NUP43: variants seen among roughly 807,000 people sequenced by gnomAD.
The protein encoded by NUP43 is nucleoporin Nup43.
Under a neutral mutation model 47.3 loss-of-function variants are expected in NUP43, and 32 were observed. The ratio of observed to expected loss-of-function variants is 0.68; its 90% confidence interval spans 0.51 to 0.91. The LOEUF (loss-of-function observed/expected upper bound fraction) is 0.91. Among genes scored for constraint, NUP43 ranks in the 40% least tolerant of loss-of-function variants. The pLI is 0.00. For synonymous variants in NUP43, 147 were observed against 158.4 expected (o/e 0.93, Z 0.54); for missense variants, 444 against 453.9 (o/e 0.98, Z 0.20).
chr6:149,727,344 T>C (rs576604975), intron 7 of NUP43, 146 bp from the exon 8 acceptor site: 2 of 1,432,206 alleles, frequency 1.4e-6, no homozygotes, highest in Non-Finnish European at 1.8e-6. Context: ...TTATTATACA[T>C]CACCACTTTG....
At chr6:149,735,862 A>G (rs1438242708) in intron 6 of NUP43, among the ~76,000 whole-genome samples, 3 of 151,122 alleles carry the variant, frequency 2.0e-5, no homozygotes, top group Non-Finnish European at 2.9e-5. Context: ...AGTCCTATCT[A>G]CTTGGGAGGC....
In NUP43 at chr6:149,746,024, T is replaced by G. The variant is rs1475111730; in HGVS notation, c.159A>C (p.Gly53=). 6.2e-7 allele frequency: 1 copy of G among 1,613,930 alleles called. No individual in the cohort carries two copies. Residue 53 remains glycine (G), a synonymous_variant, in exon 2 of 8, where the codon GGA becomes GGC. Transcript: ENST00000340413. ...YISLWSIGDF[G]NLDSDGGFEG... ...CAAACCCTCCATCAGAGTCCAAGTTTCCAAAATCTCCAATAGACCACAGTG... is the reference window on the plus strand; with the variant it reads ...CAAACCCTCCATCAGAGTCCAAGTTGCCAAAATCTCCAATAGACCACAGTG...
intron 2 of NUP43, 55 bp from the exon 3 acceptor site, chr6:149,743,770 T>C: frequency 9.0e-7 from 1 of 1,112,918 alleles, no homozygotes. Flanking sequence ...AGGGAGGAAG[T>C]CCATTTGTTT....
chr6:149,736,598 G>A lies in NUP43; in HGVS notation c.663C>T (p.His221=). 1 of 1,594,240 alleles carries A rather than the reference G, an allele frequency of 6.3e-7. No homozygotes were observed. Among genetic ancestry groups the A allele is most frequent in the Non-Finnish European group, 8.6e-7 (1 of 1,163,862 alleles). The stretch of plus-strand genomic sequence containing the variant: ...GTTGGTTGGGATGTCTATCAACACA[G>A]TGGAGTGGCACTCGGTCACCAGTCC... ...LSLTGDRVPL[H]CVDRHPNQQH... Residue 221 remains histidine (H), a synonymous_variant, in exon 6 of 8, where the codon CAC becomes CAT. Coordinates refer to ENST00000340413, the MANE Select transcript of NUP43 (RefSeq NM_198887.3).
chr6:149,746,972 T>C (rs1786045524), upstream of NUP43, among the ~76,000 whole-genome samples: 1 of 152,246 alleles, frequency 6.6e-6, no homozygotes, highest in African/African-American at 2.4e-5. Context: ...CCCAAACAAA[T>C]ACTTTGCTTC....
Position 149,742,570 on chromosome 6 carries a change from T to C in NUP43, c.322A>G (p.Thr108Ala). 1.9e-6 allele frequency: 3 copies of C among 1,612,408 alleles called. No individual in the cohort carries two copies. The highest frequency in any genetic ancestry group is 1.7e-6 in the Non-Finnish European group (2 of 1,178,676). Reference protein sequence around the residue: ...TVFLHHPNNQTLSVNQQWTTA... With the variant: ...TVFLHHPNNQALSVNQQWTTA... ...GTCCACTGCTGGTTGACTGACAGAG[T>C]CTAGGCATCAGAAATGAGGATACTA... Residue 108 changes from threonine (T) to alanine (A), a missense_variant and splice_region_variant, in exon 4 of 8, where the codon ACT (threonine) becomes GCT (alanine). Thr to Ala is a moderately conservative substitution (Grantham distance 58). Transcript: ENST00000340413.
At chr6:149,737,925 A>T (rs1245589403) in intron 5 of NUP43, among the ~76,000 whole-genome samples, 1 of 152,076 alleles carries the variant, frequency 6.6e-6, no homozygotes, top group African/African-American at 2.4e-5. Context: ...TCCTGACCTC[A>T]AGTGATCTGC....
At chr6:149,728,922 A>G (rs1259774599) in intron 7 of NUP43, among the ~76,000 whole-genome samples, 4 of 151,978 alleles carry the variant, frequency 2.6e-5, no homozygotes, top group Non-Finnish European at 5.9e-5. Flanking sequence ...CCCTGTCTTT[A>G]TTCTTTATCC....
chr6:149,735,460 A>G (rs2115105947), intron 6 of NUP43, among the ~76,000 whole-genome samples: 1 of 152,088 alleles, frequency 6.6e-6, no homozygotes, highest in Middle Eastern at 3.4e-3. Flanking sequence ...AAATAAGTAC[A>G]TAAGGCTGGG....
At chr6:149,736,103 C>A (rs532563658) in intron 6 of NUP43, among the ~76,000 whole-genome samples, 8 of 151,468 alleles carry the variant, frequency 5.3e-5, no homozygotes, top group Admixed American at 4.6e-4. Context: ...CATGGAGAAA[C>A]CCAGTCTCTA....
At chr6:149,737,112 C>T (rs559352537) in intron 5 of NUP43, among the ~76,000 whole-genome samples, 101 of 152,152 alleles carry the variant, frequency 6.6e-4, no homozygotes, top group African/African-American at 2.1e-3. Context: ...GGCGAAACCC[C>T]ATCTCTACTA....
chr6:149,736,262 G>A (rs1785349251), intron 6 of NUP43, among the ~76,000 whole-genome samples: 2 of 151,944 alleles, frequency 1.3e-5, no homozygotes, highest in Non-Finnish European at 2.9e-5. Flanking sequence ...GGGCAACAAG[G>A]GTGAATCTCC....
Position 149,742,572 on chromosome 6 carries a change from T to G in NUP43, c.322-2A>C. Reference sequence around the variant, plus strand: ...CCACTGCTGGTTGACTGACAGAGTCTAGGCATCAGAAATGAGGATACTATT... The same window carrying G: ...CCACTGCTGGTTGACTGACAGAGTCGAGGCATCAGAAATGAGGATACTATT... On this transcript the variant is annotated splice_acceptor_variant, in intron 3 of 7. Transcript: ENST00000340413. LOFTEE classifies it high-confidence loss of function. 1.2e-6 allele frequency: 2 copies of G among 1,612,266 alleles called. No homozygotes were observed. The highest frequency in any genetic ancestry group is 1.7e-6 in the Non-Finnish European group (2 of 1,178,510).
At chr6:149,745,316 C>A (rs1785916770) in intron 2 of NUP43, among the ~76,000 whole-genome samples, 1 of 151,270 alleles carries the variant, frequency 6.6e-6, no homozygotes, top group Non-Finnish European at 1.5e-5. Context: ...AGGAGAATCG[C>A]TTGAACCCGG....
At chr6:149,729,275 A>G (rs544429889) in intron 7 of NUP43, among the ~76,000 whole-genome samples, 2 of 152,144 alleles carry the variant, frequency 1.3e-5, no homozygotes, top group Non-Finnish European at 2.9e-5. Flanking sequence ...TACAGGTGTG[A>G]GCCACCGCGC....
At position 149,727,203 on chromosome 6, in the gene NUP43, G is replaced by C; in HGVS notation, c.914-5C>G. 2 of 1,605,472 alleles carry C rather than the reference G, an allele frequency of 1.2e-6. No homozygotes were observed. Among genetic ancestry groups the C allele is most frequent in the Non-Finnish European group, 1.7e-6 (2 of 1,176,060 alleles). Reference sequence around the variant, plus strand: ...AAAAAGTACTGCTTCTTCCTCCTGGGAGAAAAAAAGAAAAGGAAGAAATCT... The same window carrying C: ...AAAAAGTACTGCTTCTTCCTCCTGGCAGAAAAAAAGAAAAGGAAGAAATCT... On this transcript the variant is annotated splice_region_variant and splice_polypyrimidine_tract_variant and intron_variant, in intron 7 of 7. Transcript: ENST00000340413.
At chr6:149,743,597 C>CAA (rs34447002) in intron 3 of NUP43, 41 bp downstream of exon 3, 184 of 1,143,852 alleles carry the variant, frequency 1.6e-4, no homozygotes, top group South Asian at 4.7e-4. Context: ...AACTCCATTT[C>CAA]AAAAAAAAAA....
At chr6:149,749,344 C>T, upstream of NUP43, 1 of 209,584 alleles carries the variant, frequency 4.8e-6, no homozygotes, top group East Asian at 1.1e-4. Context: ...TGAAGCCCAC[C>T]GTCTAACAAT....
chr6:149,738,888 T>C, intron 4 of NUP43, 110 bp from the exon 5 acceptor site: 1 of 574,100 alleles, frequency 1.7e-6, no homozygotes, highest in South Asian at 5.6e-5. Context: ...TCCAGTAACT[T>C]ATAATTTAAA....
Sources: allele counts gnomAD v4.1 joint callset (sites outside exome capture counted in the v4.1 genomes callset), GRCh38; gene constraint gnomAD v4.1.1; transcripts MANE v1.5; gene names NCBI Gene and HGNC (gene_info 2026-07-23, HGNC 2026-07-21).